MACROD2: variants seen among roughly 807,000 people sequenced by gnomAD.
The protein encoded by MACROD2 is ADP-ribose glycohydrolase MACROD2.
A neutral mutation model predicts 70.4 loss-of-function variants in MACROD2; 36 were observed. The observed-to-expected ratio is 0.51, with a 90% CI of 0.39 to 0.68. The LOEUF (loss-of-function observed/expected upper bound fraction) is 0.68. Ranked by LOEUF, MACROD2 falls within the 30% of genes least tolerant of loss-of-function variation. The pLI, the probability that MACROD2 is intolerant of heterozygous loss-of-function variation, is 0.00. For synonymous variants in MACROD2, 172 were observed against 178.8 expected (o/e 0.96, Z 0.30); for missense variants, 496 against 538.4 (o/e 0.92, Z 0.78).
At chr20:15,549,857 CTT>C (rs148133141) in intron 8 of MACROD2, among the ~76,000 whole-genome samples, 1 of 149,502 alleles carries the variant, frequency 6.7e-6, no homozygotes, top group African/African-American at 2.4e-5. Flanking sequence ...GCATATCAAC[CTT>C]TTTTTTTTCA....
chr20:14,376,260 TA>T (rs1160735412), intron 3 of MACROD2, among the ~76,000 whole-genome samples: 1 of 152,220 alleles, frequency 6.6e-6, no homozygotes, highest in East Asian at 1.9e-4. Context: ...CCTTTTTATT[TA>T]AATTTTTTCA....
At chr20:15,977,048 G>T (rs2066316837) in intron 13 of MACROD2, among the ~76,000 whole-genome samples, 1 of 152,128 alleles carries the variant, frequency 6.6e-6, no homozygotes, top group Admixed American at 6.5e-5. Context: ...ATCAAGTGGA[G>T]CACTGGGACC....
chr20:14,924,174 G>C (rs1053427386), intron 5 of MACROD2, among the ~76,000 whole-genome samples: 1 of 152,168 alleles, frequency 6.6e-6, no homozygotes, highest in Admixed American at 6.6e-5. Context: ...TATGGAAATA[G>C]AGTTGGCTGG....
intron 6 of MACROD2, among the ~76,000 whole-genome samples, chr20:15,385,937 C>T (rs568591847): frequency 6.6e-6 from 1 of 152,248 alleles, no homozygotes; most frequent in South Asian, 2.1e-4. Flanking sequence ...ACGATCTGTT[C>T]TATAAGGTTA....
rs563700068 is a variant in MACROD2 at position 14,569,642 on chromosome 20, G to GC, written c.301+76136dup. 4.0e-5 allele frequency among the ~76,000 whole-genome samples: 6 copies of GC among 151,694 alleles called. No homozygotes were observed. In the South Asian group the frequency reaches 1.2e-3, roughly 31 times the overall value. ...GTGAGTGTTGATAATGACTGTTTCT[G>GC]CCTCTGCTTATATAATCAAAGTAAA... On this transcript the variant is annotated intron_variant, in intron 4 of 17. Transcript: ENST00000684519.
chr20:15,577,739 G>A (rs1395791952), intron 8 of MACROD2, among the ~76,000 whole-genome samples: 1 of 152,154 alleles, frequency 6.6e-6, no homozygotes, highest in South Asian at 2.1e-4. Flanking sequence ...GCTTATATCT[G>A]CAATACTTTT....
intron 8 of MACROD2, among the ~76,000 whole-genome samples, chr20:15,610,764 T>C (rs528543236): frequency 3.9e-4 from 59 of 151,992 alleles, no homozygotes; most frequent in Non-Finnish European, 7.8e-4. Context: ...ACCAGAAATA[T>C]CTCCTCACCT....
chr20:15,347,190 C>A (rs1296398546), intron 6 of MACROD2, among the ~76,000 whole-genome samples: 10 of 152,154 alleles, frequency 6.6e-5, no homozygotes, highest in Admixed American at 6.6e-4. Context: ...TAAATGAGTT[C>A]TTTTTCTCAA....
chr20:15,045,438 G>A (rs937452936), intron 5 of MACROD2, among the ~76,000 whole-genome samples: 1 of 152,170 alleles, frequency 6.6e-6, no homozygotes, highest in African/African-American at 2.4e-5. Context: ...GCACATTTGA[G>A]GCCCGGGGGA....
intron 2 of MACROD2, among the ~76,000 whole-genome samples, chr20:14,054,305 C>T (rs939066966): frequency 5.9e-5 from 9 of 151,690 alleles, no homozygotes; most frequent in African/African-American, 2.2e-4. Flanking sequence ...GGAGGAATTC[C>T]AAAAGCAGGT....
intron 11 of MACROD2, 188 bp downstream of exon 11, chr20:15,933,526 G>A (rs2147320283): frequency 3.9e-6 from 2 of 517,856 alleles, no homozygotes. Context: ...AAACAGAGTG[G>A]CACATTCTCA....
intron 15 of MACROD2, among the ~76,000 whole-genome samples, chr20:16,024,950 T>C (rs1265203160): frequency 6.6e-6 from 1 of 152,206 alleles, no homozygotes; most frequent in Non-Finnish European, 1.5e-5. Flanking sequence ...TTTTGTTTGT[T>C]TGTTTGTTTG....
chr20:15,970,811 T>C, intron 13 of MACROD2, among the ~76,000 whole-genome samples: 1 of 152,102 alleles, frequency 6.6e-6, no homozygotes, highest in East Asian at 1.9e-4. Context: ...CTAGAAGAAG[T>C]GCCTGTTCCC....
At chr20:14,748,927 C>T (rs1462381286) in intron 5 of MACROD2, among the ~76,000 whole-genome samples, 2 of 152,056 alleles carry the variant, frequency 1.3e-5, no homozygotes, top group African/African-American at 4.8e-5. Context: ...TAGACATTAA[C>T]AATAGGACAC....
In MACROD2 at chr20:14,978,705, G is replaced by C. The variant is rs548247713; in HGVS notation, c.419-251235G>C. Among the ~76,000 whole-genome samples the C allele has an allele frequency of 1.7e-4, 23 of 134,604 alleles. 1 individual carries two copies. The East Asian group carries it at 5.5e-3, about 32-fold the overall frequency. The allele number at this position is 134,604 out of a possible 152,430, so 88.3% of individuals were successfully genotyped here. A position where few individuals can be genotyped will look rare whatever the true frequency, so the allele number is the denominator to read the frequency against. Reference sequence around the variant, plus strand: ...TTTCATCTCCAAAACCCAAGACCATGGTTCTGCAACAGTTTAACAATCTGG... The same window carrying C: ...TTTCATCTCCAAAACCCAAGACCATCGTTCTGCAACAGTTTAACAATCTGG... On this transcript the variant is annotated intron_variant, in intron 5 of 17. Transcript: ENST00000684519.
In MACROD2 at chr20:14,526,176, A is replaced by G. The variant is rs2085229466; in HGVS notation, c.301+32668A>G. ...TATTTTCCATATCTCTTTTAACCCA[A>G]TTGTGACTTTGTAGAATGTAAATTG... On this transcript the variant is annotated intron_variant, in intron 4 of 17. Transcript: ENST00000684519. Among the ~76,000 whole-genome samples the G allele has an allele frequency of 2.6e-5, 4 of 152,158 alleles. No homozygotes were observed. In the South Asian group the frequency reaches 6.2e-4, roughly 24 times the overall value.
At chr20:15,332,951 T>C (rs202239817) in intron 6 of MACROD2, among the ~76,000 whole-genome samples, 40,928 of 151,086 alleles carry the variant, frequency 0.27, 8,248 homozygotes, top group African/African-American at 0.53. Context: ...TTCTCCCTCT[T>C]GGCACCATTT....
At chr20:14,295,351 C>T (rs2082418261) in intron 3 of MACROD2, among the ~76,000 whole-genome samples, 1 of 151,878 alleles carries the variant, frequency 6.6e-6, no homozygotes, top group Non-Finnish European at 1.5e-5. Flanking sequence ...AGACAACAGG[C>T]AATGTAGGAC....
At chr20:14,087,440 G>A (rs1460939262) in intron 3 of MACROD2, among the ~76,000 whole-genome samples, 2 of 151,616 alleles carry the variant, frequency 1.3e-5, no homozygotes, top group Non-Finnish European at 2.9e-5. Flanking sequence ...TTGTACCACA[G>A]CTGCTTTGCT....
Sources: allele counts gnomAD v4.1 joint callset (sites outside exome capture counted in the v4.1 genomes callset), GRCh38; gene constraint gnomAD v4.1.1; transcripts MANE v1.5; gene names NCBI Gene and HGNC (gene_info 2026-07-23, HGNC 2026-07-21).